The following TEX14 variants were observed in gnomAD, a reference collection of about 807,000 sequenced individuals.
TEX14 encodes testis expressed 14, intercellular bridge forming factor.
Under a neutral mutation model 178.6 loss-of-function variants are expected in TEX14, and 168 were observed. The observed-to-expected ratio is 0.94, with a 90% CI of 0.83 to 1.07. The LOEUF (loss-of-function observed/expected upper bound fraction) is 1.07. Ranked by LOEUF, TEX14 falls within the 50% of genes least tolerant of loss-of-function variation. The pLI is 0.00. For missense variants in TEX14, 1,730 were observed against 1,753.6 expected (o/e 0.99, Z 0.24); for synonymous variants, 626 against 634.1 (o/e 0.99, Z 0.19).
At chr17:58,603,496 A>G (rs2045520507) in intron 11 of TEX14, among the ~76,000 whole-genome samples, 1 of 149,240 alleles carries the variant, frequency 6.7e-6, no homozygotes, top group South Asian at 2.1e-4. Flanking sequence ...TGGAGGTTGC[A>G]GTGAGCTGAG....
intron 2 of TEX14, among the ~76,000 whole-genome samples, chr17:58,638,711 T>A (rs1349201135): frequency 6.6e-6 from 1 of 151,900 alleles, no homozygotes; most frequent in Non-Finnish European, 1.5e-5. Flanking sequence ...CCTAATTTTT[T>A]GTATTTTTAG....
chr17:58,669,733 C>CAAAAAAAAAAAAA, intron 1 of TEX14, among the ~76,000 whole-genome samples: 1 of 56,300 alleles, frequency 1.8e-5, no homozygotes, highest in Non-Finnish European at 3.5e-5. Context: ...GACTCCGTCT[C>CAAAAAAAAAAAAA]AAAAAAAAAA....
intron 23 of TEX14, 126 bp from the exon 24 acceptor site, chr17:58,572,252 T>TC (rs2044549910): frequency 1.2e-5 from 7 of 585,850 alleles, no homozygotes; most frequent in Non-Finnish European, 2.1e-5. Flanking sequence ...TTTACATTAT[T>TC]AAAACAAACA....
rs1308841493 is a variant in TEX14, at chr17:58,592,690, C to T, written c.2576+865G>A. 5.3e-5 allele frequency among the ~76,000 whole-genome samples: 8 copies of T among 151,760 alleles called. No homozygotes were observed. The East Asian group carries it at 1.5e-3, about 29-fold the overall frequency. On this transcript the variant is annotated intron_variant, in intron 15 of 31. Transcript: ENST00000349033. ...AGTAGCTGGGATTACAGGTGCCCGC[C>T]ACCACGCCCGGCTAATTTATGTATT...
At position 58,572,001 on chromosome 17, in the gene TEX14, T is replaced by C. The variant is rs370949525; in HGVS notation, c.3637A>G (p.Ile1213Val). 1.4e-5 allele frequency: 22 copies of C among 1,614,066 alleles called. No homozygotes were observed. Among genetic ancestry groups the C allele is most frequent in the Non-Finnish European group, 1.8e-5 (21 of 1,180,052 alleles). ...EFIQTLSDDF[I>V]SVRERAKKLD... Reference sequence around the variant, plus strand: ...TTCTTTGCTCTCTCTCGGACACTTATAAAGTCATCAGACAAAGTTTGAATA... The same window carrying C: ...TTCTTTGCTCTCTCTCGGACACTTACAAAGTCATCAGACAAAGTTTGAATA... Residue 1213 changes from isoleucine (I) to valine (V), a missense_variant, in exon 24 of 32, where the codon ATA (isoleucine) becomes GTA (valine). This residue lies in a region of TEX14 where 941 missense variants were observed against 1,072.4 expected (regional missense o/e 0.88). Transcript: ENST00000349033.
In TEX14 at chr17:58,585,794, A is replaced by G; in HGVS notation, c.3070+7T>C. The stretch of plus-strand genomic sequence containing the variant: ...TCACCTATCCTGATTCCCGCAAGTG[A>G]ACTTACTGGTGAAGCTTCCAAGCCT... On this transcript the variant is annotated splice_region_variant and intron_variant, in intron 18 of 31. Transcript: ENST00000349033. The G allele has an allele frequency of 6.2e-7, 1 of 1,613,396 alleles. No homozygotes were observed. The highest frequency in any genetic ancestry group is 8.5e-7 in the Non-Finnish European group (1 of 1,179,508).
At chr17:58,587,788 C>A in intron 16 of TEX14, 108 bp downstream of exon 16, 3 of 1,194,466 alleles carry the variant, frequency 2.5e-6, no homozygotes, top group Non-Finnish European at 2.5e-6. Context: ...TTCCCTACTC[C>A]CTAAGCCATT....
chr17:58,587,853 A>ACCC, intron 16 of TEX14, 43 bp downstream of exon 16: 1 of 603,438 alleles, frequency 1.7e-6, no homozygotes, highest in Non-Finnish European at 2.9e-6. Context: ...ACCCACCCCC[A>ACCC]CCCCCGCTCC....
intron 2 of TEX14, among the ~76,000 whole-genome samples, chr17:58,650,689 T>C (rs1281160147): frequency 6.6e-6 from 1 of 151,858 alleles, no homozygotes; most frequent in Non-Finnish European, 1.5e-5. Context: ...CTCAGACTGG[T>C]CTTGAACTCC....
chr17:58,585,848 C>T lies in TEX14; in HGVS notation c.3023G>A (p.Cys1008Tyr), dbSNP rs2144412091. ...CTGTCTGCCATGCTGGTCACTGTCA[C>T]AGTCATTGTTGCCCGTCTTGTCAAA... Reference protein sequence around the residue: ...GKFDKTGNNDCDSDQHGRQPR... With the variant: ...GKFDKTGNNDYDSDQHGRQPR... Residue 1008 changes from cysteine to tyrosine, a missense_variant, in exon 18 of 32, where the codon TGT becomes TAT. This residue lies in a region of TEX14 where 941 missense variants were observed against 1,072.4 expected (regional missense o/e 0.88). Transcript: ENST00000349033. 1.2e-6 allele frequency: 2 copies of T among 1,614,064 alleles called. No individual in the cohort carries two copies. The highest frequency in any genetic ancestry group is 4.5e-5 in the East Asian group (2 of 44,880).
intron 1 of TEX14, among the ~76,000 whole-genome samples, chr17:58,654,321 C>T (rs1375833494): frequency 1.3e-5 from 2 of 152,064 alleles, no homozygotes; most frequent in African/African-American, 4.8e-5. Flanking sequence ...TTTACACATA[C>T]ACCTTGTACC....
chr17:58,672,741 GTTTGT>G (rs924436151), intron 1 of TEX14, among the ~76,000 whole-genome samples: 1 of 149,652 alleles, frequency 6.7e-6, no homozygotes, highest in African/African-American at 2.5e-5. Context: ...TTTTTTCTTT[GTTTGT>G]TTTGAGATGG....
Position 58,599,455 on chromosome 17 carries a change from C to G in TEX14, c.1890G>C (p.Leu630Phe). Residue 630 changes from leucine to phenylalanine, a missense_variant, in exon 14 of 32, where the codon TTG (leucine) becomes TTC (phenylalanine). By Grantham distance (22) the Leu-to-Phe change is conservative. Around this residue, in one of 2 missense-constraint regions of TEX14, gnomAD observed 941 missense variants for 1,072.4 expected, o/e 0.88. Coordinates refer to ENST00000349033, the MANE Select transcript of TEX14 (RefSeq NM_031272.5). Reference protein sequence around the residue: ...FEINEIYSGCLILEDDIEEPP... With the variant: ...FEINEIYSGCFILEDDIEEPP... ...GCTCTTCTATGTCATCTTCCAAAATCAAGCAGCCTGAGTAGATCTCGTTGA... is the reference window on the plus strand; with the variant it reads ...GCTCTTCTATGTCATCTTCCAAAATGAAGCAGCCTGAGTAGATCTCGTTGA... The G allele has an allele frequency of 1.2e-6, 2 of 1,614,140 alleles. No homozygotes were observed. Among genetic ancestry groups the G allele is most frequent in the Non-Finnish European group, 1.7e-6 (2 of 1,180,014 alleles).
chr17:58,632,208 C>T (rs2046338063), intron 2 of TEX14, among the ~76,000 whole-genome samples: 1 of 152,164 alleles, frequency 6.6e-6, no homozygotes, highest in African/African-American at 2.4e-5. Context: ...CGAGAATAAC[C>T]AAAGAGTGAA....
At chr17:58,610,560 T>C (rs1304007523) in intron 10 of TEX14, among the ~76,000 whole-genome samples, 5 of 152,128 alleles carry the variant, frequency 3.3e-5, no homozygotes, top group African/African-American at 1.2e-4. Context: ...TGGATTGCAA[T>C]GTGAGCGAGA....
chr17:58,593,738 G>T, intron 14 of TEX14, 77 bp from the exon 15 acceptor site: 1 of 1,224,798 alleles, frequency 8.2e-7, no homozygotes. Context: ...TATTTTCAAA[G>T]CCATTCTTGC....
intron 1 of TEX14, among the ~76,000 whole-genome samples, chr17:58,657,228 C>T (rs1235559019): frequency 6.6e-6 from 1 of 152,024 alleles, no homozygotes; most frequent in Non-Finnish European, 1.5e-5. Context: ...CCTCAGCCTC[C>T]CAAAGTGCTA....
At chr17:58,591,246 G>A (rs866744069) in intron 15 of TEX14, among the ~76,000 whole-genome samples, 3 of 152,152 alleles carry the variant, frequency 2.0e-5, no homozygotes, top group Non-Finnish European at 2.9e-5. Context: ...GGCTGGGCGC[G>A]GTGGCTCACG....
intron 1 of TEX14, among the ~76,000 whole-genome samples, chr17:58,685,958 G>A (rs1008187335): frequency 2.0e-4 from 27 of 134,216 alleles, no homozygotes; most frequent in Admixed American, 1.9e-3. Flanking sequence ...TCACACCACC[G>A]CACTCCAGCC....
Sources: gnomAD v4.1 joint callset for allele counts (sites outside exome capture counted in the v4.1 genomes callset) on GRCh38, gnomAD v4.1.1 for gene constraint, gnomAD v4.1.1 regional missense constraint, MANE v1.5 for transcripts, NCBI Gene and HGNC (gene_info 2026-07-23, HGNC 2026-07-21) for gene names.